CD38: variants seen among roughly 807,000 people sequenced by gnomAD.
CD38 encodes the protein CD38 molecule.
Under a neutral mutation model 36.3 loss-of-function variants are expected in CD38, and 31 were observed. That is an observed-to-expected ratio of 0.85 (90% confidence interval 0.64 to 1.15). The LOEUF is 1.15. Ranked by LOEUF, CD38 falls within the 50% of genes most tolerant of loss-of-function variation. The probability of loss-of-function intolerance (pLI) is 0.00; values close to 1 mark genes in which losing one functional copy is unlikely to be tolerated. For synonymous variants in CD38, 131 were observed against 135.2 expected (o/e 0.97, Z 0.22); for missense variants, 380 against 371.9 (o/e 1.02, Z -0.18).
chr4:15,839,640 G>A (rs1256879794), intron 5 of CD38, among the ~76,000 whole-genome samples: 1 of 151,602 alleles, frequency 6.6e-6, no homozygotes, highest in Non-Finnish European at 1.5e-5. Flanking sequence ...AGCCAGGATG[G>A]TCTCGATCCC....
intron 1 of CD38, among the ~76,000 whole-genome samples, chr4:15,802,459 T>C (rs1723247404): frequency 6.6e-6 from 1 of 151,866 alleles, no homozygotes; most frequent in Admixed American, 6.6e-5. Context: ...TTAGGAACCA[T>C]AAAAGACCCC....
In CD38 at chr4:15,840,105, A is replaced by C; in HGVS notation, c.739A>C (p.Arg247=). The change falls in exon 6 of 8, where the codon AGA becomes CGA. Residue 247 remains arginine, a synonymous_variant. Coordinates refer to ENST00000226279, the MANE Select transcript of CD38 (RefSeq NM_001775.4). ...TLEAWVIHGG[R]EDSRDLCQDP... is the part of the protein sequence containing the mutation. ...AGAGGCCTGGGTGATACATGGTGGA[A>C]GAGAAGATTCCAGGTATATCTTACT... The C allele has an allele frequency of 1.2e-6, 2 of 1,608,878 alleles. No individual in the cohort carries two copies. Among genetic ancestry groups the C allele is most frequent in the Non-Finnish European group, 1.7e-6 (2 of 1,175,162 alleles).
intron 1 of CD38, among the ~76,000 whole-genome samples, chr4:15,811,382 C>G (rs1458237627): frequency 1.3e-5 from 2 of 152,112 alleles, no homozygotes; most frequent in Non-Finnish European, 2.9e-5. Context: ...ATGTTTGCCT[C>G]TAAGAATTTT....
Position 15,848,542 on chromosome 4 carries a change from T to TG in CD38, c.844dup (p.Asp282GlyfsTer11), listed in dbSNP as rs1190684042. On this transcript the variant is annotated frameshift_variant, in exon 8 of 8. Transcript: ENST00000226279. LOFTEE classifies it low-confidence loss of function (END_TRUNC). ...CTTTTTTGCTTTCTTGTCATAGACCTGACAAGTTTCTTCAGTGTGTGAAAA... is the reference window on the plus strand; with the variant it reads ...CTTTTTTGCTTTCTTGTCATAGACCTGGACAAGTTTCTTCAGTGTGTGAAAA... 1 of 1,612,984 alleles carries TG rather than the reference T, an allele frequency of 6.2e-7. No individual in the cohort carries two copies. The highest frequency in any genetic ancestry group is 8.5e-7 in the Non-Finnish European group (1 of 1,178,984).
intron 1 of CD38, among the ~76,000 whole-genome samples, chr4:15,788,666 G>A (rs998526199): frequency 6.6e-6 from 1 of 152,144 alleles, no homozygotes; most frequent in Non-Finnish European, 1.5e-5. Flanking sequence ...TCAGGACCCC[G>A]AATAGTGAAT....
chr4:15,826,974 G>T (rs1269362127), intron 3 of CD38, among the ~76,000 whole-genome samples: 6 of 152,066 alleles, frequency 3.9e-5, no homozygotes, highest in Non-Finnish European at 7.4e-5. Context: ...TCTGTATGCG[G>T]TATCTATTAT....
intron 1 of CD38, among the ~76,000 whole-genome samples, chr4:15,783,244 G>A (rs1469778743): frequency 2.6e-5 from 4 of 152,196 alleles, no homozygotes; most frequent in African/African-American, 9.7e-5. Flanking sequence ...GACGGACCCA[G>A]GTGATGTCAG....
intron 7 of CD38, among the ~76,000 whole-genome samples, chr4:15,841,753 G>A (rs1462368989): frequency 2.7e-5 from 4 of 147,782 alleles, no homozygotes; most frequent in Admixed American, 6.7e-5. Flanking sequence ...CCTGGGAAGC[G>A]CAAGGGGTCA....
chr4:15,779,105 C>T (rs985260220), intron 1 of CD38, among the ~76,000 whole-genome samples: 1 of 151,698 alleles, frequency 6.6e-6, no homozygotes, highest in Non-Finnish European at 1.5e-5. Flanking sequence ...TGCCCCCGGA[C>T]GGTTACAGAG....
At chr4:15,822,503 A>G (rs574619982) in intron 2 of CD38, among the ~76,000 whole-genome samples, 1 of 152,334 alleles carries the variant, frequency 6.6e-6, no homozygotes, top group African/African-American at 2.4e-5. Context: ...GTCTCAGGAT[A>G]CAAAATCAAT....
intron 3 of CD38, among the ~76,000 whole-genome samples, chr4:15,828,083 C>G (rs146200386): frequency 3.2e-4 from 49 of 152,306 alleles, no homozygotes; most frequent in African/African-American, 1.1e-3. Flanking sequence ...GGTGCAATCA[C>G]AATTCACTGC....
chr4:15,791,044 TGGGG>T (rs1246995244), intron 1 of CD38, among the ~76,000 whole-genome samples: 2 of 104,730 alleles, frequency 1.9e-5, no homozygotes, highest in African/African-American at 4.0e-5. Flanking sequence ...GGGAGGGAGG[TGGGG>T]GGGGGTCAGC....
At chr4:15,784,774 C>T (rs1048733486) in intron 1 of CD38, among the ~76,000 whole-genome samples, 1 of 152,066 alleles carries the variant, frequency 6.6e-6, no homozygotes, top group African/African-American at 2.4e-5. Context: ...ATCTTAGGTG[C>T]AGGCGAGGCA....
intron 1 of CD38, among the ~76,000 whole-genome samples, chr4:15,815,029 A>G (rs1337999661): frequency 6.6e-6 from 1 of 151,770 alleles, no homozygotes; most frequent in Non-Finnish European, 1.5e-5. Flanking sequence ...CTTGTCTCGA[A>G]CTTATCACCT....
At chr4:15,804,256 G>A (rs780343198) in intron 1 of CD38, among the ~76,000 whole-genome samples, 27 of 151,166 alleles carry the variant, frequency 1.8e-4, no homozygotes, top group Non-Finnish European at 3.4e-4. Context: ...TATTCACAGC[G>A]GTTGAACTAA....
At chr4:15,785,651 G>A (rs553503315) in intron 1 of CD38, among the ~76,000 whole-genome samples, 259 of 152,106 alleles carry the variant, frequency 1.7e-3, no homozygotes, top group Non-Finnish European at 3.0e-3. Context: ...ATTTTGGAGG[G>A]AAAAAAGTTG....
chr4:15,812,365 G>T lies in CD38; in HGVS notation c.234-4146G>T, dbSNP rs187715594. On this transcript the variant is annotated intron_variant, in intron 1 of 7. Coordinates refer to ENST00000226279, the MANE Select transcript of CD38 (RefSeq NM_001775.4). Reference sequence around the variant, plus strand: ...GGATTTTTATAGAGATTACATTGAAGCTGTAAATCAGCTTGGAGAATACTG... The same window carrying T: ...GGATTTTTATAGAGATTACATTGAATCTGTAAATCAGCTTGGAGAATACTG... Among the ~76,000 whole-genome samples, 115 of 152,264 alleles carry T rather than the reference G, an allele frequency of 7.6e-4. 1 individual carries two copies. The East Asian group carries it at 0.017, about 23-fold the overall frequency.
chr4:15,780,066 T>G (rs976864229), intron 1 of CD38, among the ~76,000 whole-genome samples: 3 of 152,222 alleles, frequency 2.0e-5, no homozygotes, highest in African/African-American at 7.2e-5. Context: ...AATTTTCACC[T>G]TAGTTGGGAG....
At chr4:15,823,285 G>T (rs1560315989) in intron 2 of CD38, among the ~76,000 whole-genome samples, 1 of 151,732 alleles carries the variant, frequency 6.6e-6, no homozygotes, top group Non-Finnish European at 1.5e-5. Flanking sequence ...TCATGAAATT[G>T]CCAAATGCAA....
Sources: gnomAD v4.1 joint callset for allele counts (sites outside exome capture counted in the v4.1 genomes callset) on GRCh38, gnomAD v4.1.1 for gene constraint, MANE v1.5 for transcripts, NCBI Gene and HGNC (gene_info 2026-07-23, HGNC 2026-07-21) for gene names.